FAM53B: variants seen among roughly 807,000 people sequenced by gnomAD.
The protein encoded by FAM53B is family with sequence similarity 53 member B.
FAM53B carries 12 observed loss-of-function variants against 32.7 expected under a neutral mutation model. The observed-to-expected ratio is 0.37, with a 90% CI of 0.24 to 0.59. The LOEUF is 0.59. FAM53B is among the 20% of genes least tolerant of loss of function. The probability of loss-of-function intolerance (pLI) is 0.72; values close to 1 mark genes in which losing one functional copy is unlikely to be tolerated. For synonymous variants in FAM53B, 234 were observed against 228.7 expected, an observed-to-expected ratio of 1.02 and a Z score of -0.21; for missense variants, 477 against 577.7, an observed-to-expected ratio of 0.83 and a Z score of 1.79.
At chr10:124,703,064 C>T (rs755130505) in intron 2 of FAM53B, among the ~76,000 whole-genome samples, 1 of 151,868 alleles carries the variant, frequency 6.6e-6, no homozygotes, top group Admixed American at 6.6e-5. Flanking sequence ...TTTTTGGAGA[C>T]ACAGTCTCAC....
At chr10:124,637,302 T>C (rs754099716) in intron 4 of FAM53B, among the ~76,000 whole-genome samples, 1 of 152,180 alleles carries the variant, frequency 6.6e-6, no homozygotes, top group Non-Finnish European at 1.5e-5. Flanking sequence ...AGGACGTACC[T>C]GGCAGGACGT....
intron 1 of FAM53B, among the ~76,000 whole-genome samples, chr10:124,709,330 A>G (rs905486188): frequency 6.6e-6 from 1 of 152,234 alleles, no homozygotes; most frequent in African/African-American, 2.4e-5. Flanking sequence ...AGGAAGCCAG[A>G]ACGAGGCAAA....
At chr10:124,673,897 C>G (rs1368639692) in intron 4 of FAM53B, among the ~76,000 whole-genome samples, 1 of 152,208 alleles carries the variant, frequency 6.6e-6, no homozygotes, top group Admixed American at 6.5e-5. Context: ...CATGGCTACA[C>G]CTGGGCAGAT....
chr10:124,735,345 A>G (rs1432180635), intron 1 of FAM53B, among the ~76,000 whole-genome samples: 2 of 152,198 alleles, frequency 1.3e-5, no homozygotes, highest in Non-Finnish European at 2.9e-5. Flanking sequence ...TATGCTTAGG[A>G]GCAAAAGTAA....
chr10:124,735,686 G>A (rs982840644), intron 1 of FAM53B, among the ~76,000 whole-genome samples: 7 of 152,162 alleles, frequency 4.6e-5, no homozygotes, highest in Non-Finnish European at 8.8e-5. Context: ...AACAGCACGC[G>A]CTTGCCACAG....
At chr10:124,637,436 T>G (rs998326820) in intron 4 of FAM53B, among the ~76,000 whole-genome samples, 4 of 152,112 alleles carry the variant, frequency 2.6e-5, no homozygotes, top group Admixed American at 1.3e-4. Context: ...TGCCCTACCC[T>G]GCAAAGCCAC....
At chr10:124,662,280 G>C (rs1002079397) in intron 4 of FAM53B, among the ~76,000 whole-genome samples, 3 of 152,174 alleles carry the variant, frequency 2.0e-5, no homozygotes, top group Non-Finnish European at 4.4e-5. Context: ...CTACACAAAC[G>C]CTTAGCACAG....
At chr10:124,670,992 C>T (rs752267835) in intron 4 of FAM53B, among the ~76,000 whole-genome samples, 16 of 152,130 alleles carry the variant, frequency 1.1e-4, no homozygotes, top group Non-Finnish European at 1.0e-4. Flanking sequence ...AGAACTAGGA[C>T]GGAGCTGCGA....
rs371235908 is a variant in FAM53B, at chr10:124,625,390, G to A, written c.907-1786C>T. Among the ~76,000 whole-genome samples the A allele has an allele frequency of 3.3e-5, 5 of 152,314 alleles. No individual in the cohort carries two copies. In the East Asian group the frequency reaches 7.7e-4, roughly 24 times the overall value. On this transcript the variant is annotated intron_variant, in intron 4 of 4. Transcript: ENST00000337318. ...TGGCAGGGGCACCCATTAGACTGGA[G>A]ATGCTGGCCCCCCAAGGAGCCACAG...
chr10:124,668,105 A>G (rs1295171064), intron 4 of FAM53B, among the ~76,000 whole-genome samples: 1 of 152,126 alleles, frequency 6.6e-6, no homozygotes, highest in African/African-American at 2.4e-5. Flanking sequence ...CGGCATGCAT[A>G]TTTGTTCGTA....
chr10:124,699,842 C>T (rs939614857), intron 2 of FAM53B, among the ~76,000 whole-genome samples: 4 of 152,208 alleles, frequency 2.6e-5, no homozygotes, highest in East Asian at 1.9e-4. Flanking sequence ...TCAGCCTGCC[C>T]GTGAGCACCT....
In FAM53B at chr10:124,733,807, C is replaced by T. The variant is rs188883861; in HGVS notation, c.-175+10206G>A. On this transcript the variant is annotated intron_variant, in intron 1 of 4. Transcript: ENST00000337318. This position sits in a 1 kb window ranked among gnomAD's most constrained non-coding sequence, Gnocchi z 4.3. Reference sequence around the variant, plus strand: ...GCTGGGCCCCTGGGCAGTGTCACCCCGAAGGTGGGCTTTCTCCCAGCCCTT... The same window carrying T: ...GCTGGGCCCCTGGGCAGTGTCACCCTGAAGGTGGGCTTTCTCCCAGCCCTT... Among the ~76,000 whole-genome samples the T allele has an allele frequency of 2.8e-3, 431 of 152,342 alleles. 6 individuals are homozygous for T. The highest frequency in any genetic ancestry group is 1.3e-3 in the Non-Finnish European group (86 of 68,022).
Position 124,679,690 on chromosome 10 carries a change from C to T in FAM53B, c.906+1917G>A, listed in dbSNP as rs530372868. Among the ~76,000 whole-genome samples, 11 of 152,358 alleles carry T rather than the reference C, an allele frequency of 7.2e-5. No homozygotes were observed. In the South Asian group the frequency reaches 1.2e-3, roughly 17 times the overall value. On this transcript the variant is annotated intron_variant, in intron 4 of 4. Coordinates refer to ENST00000337318, the MANE Select transcript of FAM53B (RefSeq NM_014661.4). ...TGCCCGAGACCCACTGCCAAGCAGGCGGCCAAGGACAGACAGGCTGAACCA... is the reference window on the plus strand; with the variant it reads ...TGCCCGAGACCCACTGCCAAGCAGGTGGCCAAGGACAGACAGGCTGAACCA...
At chr10:124,626,037 T>C (rs1949346650) in intron 4 of FAM53B, among the ~76,000 whole-genome samples, 1 of 152,228 alleles carries the variant, frequency 6.6e-6, no homozygotes, top group Non-Finnish European at 1.5e-5. Flanking sequence ...TCTAGGTGGG[T>C]GACAGGGCAC....
chr10:124,629,691 T>C (rs1020362195), intron 4 of FAM53B, among the ~76,000 whole-genome samples: 9 of 152,226 alleles, frequency 5.9e-5, no homozygotes. Flanking sequence ...GGAAATTTTC[T>C]AAGTCCCATT....
At chr10:124,691,118 T>G (rs1218783274) in intron 3 of FAM53B, among the ~76,000 whole-genome samples, 1 of 152,244 alleles carries the variant, frequency 6.6e-6, no homozygotes, top group African/African-American at 2.4e-5. Context: ...TGGCTGAGTT[T>G]AAAGACCAAA....
intron 4 of FAM53B, among the ~76,000 whole-genome samples, chr10:124,664,270 T>C (rs189584663): frequency 4.6e-5 from 7 of 152,214 alleles, no homozygotes; most frequent in African/African-American, 1.4e-4. Context: ...AGCACCTCCA[T>C]GGAGTCCCTG....
At chr10:124,737,109 T>C (rs577140400) in intron 1 of FAM53B, among the ~76,000 whole-genome samples, 3 of 152,312 alleles carry the variant, frequency 2.0e-5, no homozygotes, top group East Asian at 3.9e-4. Flanking sequence ...AATGAACTAA[T>C]GAAGCAAAGT....
intron 4 of FAM53B, among the ~76,000 whole-genome samples, chr10:124,675,865 C>A (rs527535543): frequency 1.9e-4 from 29 of 152,370 alleles, no homozygotes; most frequent in Non-Finnish European, 2.8e-4. Flanking sequence ...ACTCTAGAGG[C>A]TTCATCCTCA....
Sources: allele counts gnomAD v4.1 joint callset (sites outside exome capture counted in the v4.1 genomes callset), GRCh38; gene constraint gnomAD v4.1.1; non-coding constraint Gnocchi (gnomAD v3.1); transcripts MANE v1.5; gene names NCBI Gene and HGNC (gene_info 2026-07-23, HGNC 2026-07-21).